The following KAT2B variants were observed in gnomAD, a reference collection of about 807,000 sequenced individuals.
The protein encoded by KAT2B is lysine acetyltransferase 2B, also known as histone acetyltransferase KAT2B.
Under a neutral mutation model 105.9 loss-of-function variants are expected in KAT2B, and 36 were observed. That is an observed-to-expected ratio of 0.34 (90% CI 0.26 to 0.45). KAT2B has a LOEUF of 0.45. Among genes scored for constraint, KAT2B ranks in the 20% least tolerant of loss-of-function variants. KAT2B has a pLI of 1.00. For synonymous variants in KAT2B, 397 were observed against 377.9 expected, an observed-to-expected ratio of 1.05 and a Z score of -0.59; for missense variants, 820 against 1,021.6, an observed-to-expected ratio of 0.80 and a Z score of 2.69.
At chr3:20,067,289 G>A (rs1698239725) in intron 1 of KAT2B, among the ~76,000 whole-genome samples, 1 of 152,052 alleles carries the variant, frequency 6.6e-6, no homozygotes, top group Non-Finnish European at 1.5e-5. Flanking sequence ...TCTATCACAA[G>A]TGGTTTCAAC....
At chr3:20,096,042 C>T (rs1698802657) in intron 3 of KAT2B, among the ~76,000 whole-genome samples, 1 of 152,028 alleles carries the variant, frequency 6.6e-6, no homozygotes, top group African/African-American at 2.4e-5. Flanking sequence ...TTAGGCCGTG[C>T]ACTAAGAGAG....
intron 1 of KAT2B, 70 bp downstream of exon 1, chr3:20,040,850 C>T (rs1310306294): frequency 4.1e-6 from 6 of 1,455,346 alleles, no homozygotes; most frequent in Non-Finnish European, 5.4e-6. Context: ...CCCTCCCCCT[C>T]CCGCTTCCAC....
At chr3:20,125,383 C>A (rs1424133996) in intron 9 of KAT2B, among the ~76,000 whole-genome samples, 2 of 151,886 alleles carry the variant, frequency 1.3e-5, no homozygotes, top group African/African-American at 2.4e-5. Flanking sequence ...TCTGTCATCT[C>A]AAGGGTCCTT....
In KAT2B at chr3:20,049,134, A is replaced by G. The variant is rs1400157050; in HGVS notation, c.303+8354A>G. Among the ~76,000 whole-genome samples, 5 of 152,218 alleles carry G rather than the reference A, an allele frequency of 3.3e-5. No individual in the cohort carries two copies. In the South Asian group the frequency reaches 6.2e-4, roughly 19 times the overall value. On this transcript the variant is annotated intron_variant, in intron 1 of 17. Coordinates refer to ENST00000263754, the MANE Select transcript of KAT2B (RefSeq NM_003884.5). ...CTTGGCCTCTCAAAGTGCCGGGATTACAGGTGTGAGCCACCGCGCCTGGCC... is the reference window on the plus strand; with the variant it reads ...CTTGGCCTCTCAAAGTGCCGGGATTGCAGGTGTGAGCCACCGCGCCTGGCC...
chr3:20,144,602 CTTT>C (rs200001128), intron 13 of KAT2B, among the ~76,000 whole-genome samples: 1 of 143,062 alleles, frequency 7.0e-6, no homozygotes. Context: ...TTTCTTTTTT[CTTT>C]TTTTTTTTTA....
rs1699379846 is a variant in KAT2B, at chr3:20,125,261, C to T, written c.1414-644C>T. On this transcript the variant is annotated intron_variant, in intron 9 of 17. Coordinates refer to ENST00000263754, the MANE Select transcript of KAT2B (RefSeq NM_003884.5). The stretch of plus-strand genomic sequence containing the variant: ...CGGAGCTTGCAGTGAGCTGAGATAG[C>T]GCCACTGCAGTCTGGCCTGGGCGAA... Among the ~76,000 whole-genome samples the T allele has an allele frequency of 2.7e-5, 4 of 146,344 alleles. No individual in the cohort carries two copies. The South Asian group carries it at 6.5e-4, about 24-fold the overall frequency.
intron 3 of KAT2B, among the ~76,000 whole-genome samples, chr3:20,097,446 T>C (rs545712185): frequency 6.6e-6 from 1 of 152,344 alleles, no homozygotes; most frequent in Non-Finnish European, 1.5e-5. Flanking sequence ...AAAAGTATTA[T>C]TCTTGGGCAA....
intron 2 of KAT2B, among the ~76,000 whole-genome samples, chr3:20,092,374 A>G (rs1034868595): frequency 6.6e-5 from 10 of 151,616 alleles, no homozygotes; most frequent in Admixed American, 6.6e-5. Flanking sequence ...GATTACAAGC[A>G]TGTGCCGCCA....
At chr3:20,151,718 T>C (rs1699872326) in intron 17 of KAT2B, among the ~76,000 whole-genome samples, 1 of 152,182 alleles carries the variant, frequency 6.6e-6, no homozygotes. Flanking sequence ...TTTGCAATAG[T>C]CTCACAAGGC....
At chr3:20,149,652 T>C (rs1254984614) in intron 17 of KAT2B, among the ~76,000 whole-genome samples, 5 of 152,074 alleles carry the variant, frequency 3.3e-5, no homozygotes, top group Non-Finnish European at 7.3e-5. Context: ...TTTGTAGTAA[T>C]GATTTCAGTA....
intron 3 of KAT2B, among the ~76,000 whole-genome samples, chr3:20,099,601 A>G (rs1698872762): frequency 6.6e-6 from 1 of 152,216 alleles, no homozygotes; most frequent in South Asian, 2.1e-4. Context: ...TGCCCAGAAC[A>G]TGAAAGGTGT....
Position 20,040,723 on chromosome 3 carries a change from A to G in KAT2B, c.246A>G (p.Leu82=). The G allele has an allele frequency of 3.8e-6, 6 of 1,596,210 alleles. No individual in the cohort carries two copies. Among genetic ancestry groups the G allele is most frequent in the Non-Finnish European group, 5.1e-6 (6 of 1,174,232 alleles). The change falls in exon 1 of 18, where the codon CTA becomes CTG. Residue 82 remains leucine (L), a synonymous_variant. Transcript: ENST00000263754. ...SARIAVKKAQ[L]RSAPRAKKLE... ...GAATCGCCGTGAAGAAAGCGCAACT[A>G]CGCTCCGCTCCGCGGGCCAAGAAAC... is the stretch of plus-strand genomic sequence containing the variant.
At chr3:20,053,515 A>G (rs1697951825) in intron 1 of KAT2B, among the ~76,000 whole-genome samples, 1 of 152,204 alleles carries the variant, frequency 6.6e-6, no homozygotes, top group African/African-American at 2.4e-5. Flanking sequence ...AGTTTGGGTG[A>G]CAGAGTGAGA....
chr3:20,064,160 G>A lies in KAT2B; in HGVS notation c.304-8173G>A, dbSNP rs186287670. ...GTATGAGGATTCCAATTTTTCACAT[G>A]CCTGATAATTTGTTATTGTCAGCTC... is the stretch of plus-strand genomic sequence containing the variant. On this transcript the variant is annotated intron_variant, in intron 1 of 17. Coordinates refer to ENST00000263754, the MANE Select transcript of KAT2B (RefSeq NM_003884.5). 7.9e-5 allele frequency among the ~76,000 whole-genome samples: 12 copies of A among 152,240 alleles called. No individual in the cohort carries two copies. The East Asian group carries it at 2.3e-3, about 29-fold the overall frequency.
chr3:20,075,938 G>C (rs1257013082), intron 2 of KAT2B, among the ~76,000 whole-genome samples: 1 of 151,906 alleles, frequency 6.6e-6, no homozygotes, highest in Non-Finnish European at 1.5e-5. Context: ...TTTTCATACG[G>C]CTTTATCTCT....
At chr3:20,111,059 C>G (rs908536224) in intron 5 of KAT2B, among the ~76,000 whole-genome samples, 6 of 152,202 alleles carry the variant, frequency 3.9e-5, no homozygotes, top group African/African-American at 1.4e-4. Context: ...TTACATTTTA[C>G]TCAAAGGACT....
At chr3:20,082,768 A>G (rs1309209149) in intron 2 of KAT2B, among the ~76,000 whole-genome samples, 1 of 152,218 alleles carries the variant, frequency 6.6e-6, no homozygotes, top group African/African-American at 2.4e-5. Context: ...ACCAAACCAA[A>G]TAAACCAAAA....
intron 1 of KAT2B, among the ~76,000 whole-genome samples, chr3:20,055,643 G>T (rs936040822): frequency 2.0e-5 from 3 of 152,034 alleles, no homozygotes; most frequent in South Asian, 2.1e-4. Context: ...TGGGGTGGGG[G>T]GTATGAGTGT....
At chr3:20,142,020 G>A (rs1326947698) in intron 13 of KAT2B, among the ~76,000 whole-genome samples, 1 of 152,114 alleles carries the variant, frequency 6.6e-6, no homozygotes, top group African/African-American at 2.4e-5. Context: ...GCCAACTAAA[G>A]CCATCACCCC....
Sources: gnomAD v4.1 joint callset for allele counts (sites outside exome capture counted in the v4.1 genomes callset) on GRCh38, gnomAD v4.1.1 for gene constraint, MANE v1.5 for transcripts, NCBI Gene and HGNC (gene_info 2026-07-23, HGNC 2026-07-21) for gene names.